Variants in DAB1 observed in about 807,000 individuals in gnomAD.
DAB1 encodes the protein disabled homolog 1.
A neutral mutation model predicts 64.6 loss-of-function variants in DAB1; 15 were observed. The observed-to-expected ratio is 0.23, with a 90% CI of 0.16 to 0.36. DAB1 has a LOEUF of 0.36. Ranked by LOEUF, DAB1 falls within the 10% of genes least tolerant of loss-of-function variation. The pLI, the probability that DAB1 is intolerant of heterozygous loss-of-function variation, is 1.00. For missense variants in DAB1, 596 were observed against 706.7 expected (o/e 0.84, Z 1.78); for synonymous variants, 235 against 251.9 (o/e 0.93, Z 0.64).
intron 7 of DAB1, among the ~76,000 whole-genome samples, chr1:57,590,412 C>T (rs1041700196): frequency 7.9e-5 from 12 of 151,894 alleles, no homozygotes; most frequent in African/African-American, 2.2e-4. Flanking sequence ...CTCCACCTCC[C>T]GGTTTCAAGC....
At chr1:57,041,090 G>A (rs567907788) in intron 9 of DAB1, among the ~76,000 whole-genome samples, 3 of 152,320 alleles carry the variant, frequency 2.0e-5, no homozygotes, top group African/African-American at 7.2e-5. Flanking sequence ...AATCACAAAT[G>A]GAGAGATGTC....
At chr1:57,478,136 G>A (rs780688947) in intron 7 of DAB1, among the ~76,000 whole-genome samples, 9 of 151,498 alleles carry the variant, frequency 5.9e-5, no homozygotes, top group Non-Finnish European at 1.2e-4. Flanking sequence ...CCCACCTAAG[G>A]TTGTACAAAG....
intron 7 of DAB1, among the ~76,000 whole-genome samples, chr1:57,531,432 A>T (rs1644661996): frequency 6.6e-6 from 1 of 152,040 alleles, no homozygotes; most frequent in Non-Finnish European, 1.5e-5. Context: ...AAAAAGCTTT[A>T]TTGCTCACAC....
intron 7 of DAB1, among the ~76,000 whole-genome samples, chr1:57,601,219 C>T (rs1367503232): frequency 1.3e-5 from 2 of 152,096 alleles, no homozygotes; most frequent in Non-Finnish European, 2.9e-5. Context: ...ACTGCCTTTC[C>T]AGATCTCCAT....
In DAB1 at chr1:57,251,395, T is replaced by A. The variant is rs147277843; in HGVS notation, c.67+39569A>T. On this transcript the variant is annotated intron_variant, in intron 2 of 14. Coordinates refer to ENST00000371236, the MANE Select transcript of DAB1 (RefSeq NM_001365792.1). The stretch of plus-strand genomic sequence containing the variant: ...AAATGCTAAGAATTTTTGGTGAGGA[T>A]GTACACCGTTTCATCTTATAGGCAG... Among the ~76,000 whole-genome samples, 59 of 152,334 alleles carry A rather than the reference T, an allele frequency of 3.9e-4. No individual in the cohort carries two copies. In the East Asian group the frequency reaches 9.7e-3, roughly 25 times the overall value.
chr1:57,858,096 C>A (rs1013504402), intron 1 of DAB1, among the ~76,000 whole-genome samples: 1 of 152,142 alleles, frequency 6.6e-6, no homozygotes, highest in African/African-American at 2.4e-5. Flanking sequence ...ACAAAATATA[C>A]TGTGTTACTC....
chr1:58,391,536 T>A (rs1420560660), intron 3 of DAB1, among the ~76,000 whole-genome samples: 2 of 152,226 alleles, frequency 1.3e-5, no homozygotes, highest in Non-Finnish European at 2.9e-5. Flanking sequence ...CCTTTAACAT[T>A]CCTCCAGTAC....
intron 3 of DAB1, among the ~76,000 whole-genome samples, chr1:58,382,218 G>A (rs1644396102): frequency 6.6e-6 from 1 of 152,150 alleles, no homozygotes; most frequent in African/African-American, 2.4e-5. Context: ...TGGTGTGGAA[G>A]AGAAGTTCCA....
chr1:58,486,661 T>C (rs1421909518), intron 3 of DAB1, among the ~76,000 whole-genome samples: 5 of 152,146 alleles, frequency 3.3e-5, no homozygotes, highest in Admixed American at 1.3e-4. Flanking sequence ...TTTAGTTAAG[T>C]ACATGAAGAA....
intron 1 of DAB1, among the ~76,000 whole-genome samples, chr1:57,328,113 A>C (rs1243072389): frequency 6.6e-6 from 1 of 152,188 alleles, no homozygotes; most frequent in East Asian, 1.9e-4. Context: ...CTGCAGGGTG[A>C]CATTTCTCGC....
At chr1:57,543,865 G>A (rs1644828888) in intron 7 of DAB1, among the ~76,000 whole-genome samples, 1 of 152,298 alleles carries the variant, frequency 6.6e-6, no homozygotes, top group South Asian at 2.1e-4. Flanking sequence ...CACTTTGGGA[G>A]GCCACAGCCA....
At chr1:57,214,806 G>A (rs1666290790) in intron 2 of DAB1, among the ~76,000 whole-genome samples, 3 of 150,604 alleles carry the variant, frequency 2.0e-5, no homozygotes, top group Admixed American at 1.3e-4. Flanking sequence ...AGCTACTCAG[G>A]AGGCTGAGGC....
chr1:58,139,051 C>A (rs1654128916), intron 5 of DAB1, among the ~76,000 whole-genome samples: 2 of 152,070 alleles, frequency 1.3e-5, no homozygotes, highest in Admixed American at 6.5e-5. Context: ...TAATTTGGGG[C>A]TTTTTCCTTC....
intron 6 of DAB1, among the ~76,000 whole-genome samples, chr1:57,685,184 C>T (rs1309872113): frequency 1.3e-5 from 2 of 151,780 alleles, no homozygotes; most frequent in East Asian, 3.9e-4. Flanking sequence ...CATCTCCTGA[C>T]CTCGTGATCT....
intron 4 of DAB1, among the ~76,000 whole-genome samples, chr1:57,075,480 G>T (rs1229969423): frequency 6.6e-6 from 1 of 152,196 alleles, no homozygotes; most frequent in Non-Finnish European, 1.5e-5. Flanking sequence ...AAGAGTCAGT[G>T]AGGGGCTATG....
intron 5 of DAB1, among the ~76,000 whole-genome samples, chr1:57,929,200 C>T (rs1161554569): frequency 6.6e-6 from 1 of 152,164 alleles, no homozygotes; most frequent in Non-Finnish European, 1.5e-5. Context: ...TGTGGACCAT[C>T]TTTACATATG....
At chr1:57,031,676 T>G (rs922189996) in intron 9 of DAB1, among the ~76,000 whole-genome samples, 1 of 152,250 alleles carries the variant, frequency 6.6e-6, no homozygotes, top group Non-Finnish European at 1.5e-5. Flanking sequence ...AAACCTTAGT[T>G]AGCCTTGCTA....
intron 6 of DAB1, among the ~76,000 whole-genome samples, chr1:57,762,756 T>C (rs1257079082): frequency 6.6e-6 from 1 of 152,184 alleles, no homozygotes; most frequent in Non-Finnish European, 1.5e-5. Context: ...CTACAAATTT[T>C]TGGGAAACCA....
chr1:57,635,787 CTCTAA>C (rs199995542), intron 7 of DAB1, among the ~76,000 whole-genome samples: 1,648 of 152,218 alleles, frequency 0.011, 27 homozygotes, highest in African/African-American at 0.038. Context: ...GGGACCGCTG[CTCTAA>C]TCTAATAAAA....
Sources: gnomAD v4.1 joint callset for allele counts (sites outside exome capture counted in the v4.1 genomes callset) on GRCh38, gnomAD v4.1.1 for gene constraint, MANE v1.5 for transcripts, NCBI Gene and HGNC (gene_info 2026-07-23, HGNC 2026-07-21) for gene names.